Variants in MAF observed in about 807,000 individuals in gnomAD.
MAF encodes the protein MAF bZIP transcription factor, also known as transcription factor Maf.
MAF carries 10 observed loss-of-function variants against 22.0 expected under a neutral mutation model. The observed-to-expected ratio is 0.45, with a 90% CI of 0.28 to 0.77. MAF has a LOEUF of 0.77. MAF is among the 30% of genes least tolerant of loss of function. The pLI, the probability that MAF is intolerant of heterozygous loss-of-function variation, is 0.12. For synonymous variants in MAF, 337 were observed against 255.8 expected (o/e 1.32, Z -3.03); for missense variants, 544 against 548.4 (o/e 0.99, Z 0.08).
chr16:79,541,808 A>G, the MAF span, among the ~76,000 whole-genome samples: 1 of 151,526 alleles, frequency 6.6e-6, no homozygotes, highest in Non-Finnish European at 1.5e-5. Context: ...GGCAGGCACC[A>G]CCACGCCCAG....
chr16:79,291,399 T>G, the MAF span, among the ~76,000 whole-genome samples: 6 of 152,168 alleles, frequency 3.9e-5, no homozygotes, highest in African/African-American at 1.4e-4. Context: ...ACAGCCACTT[T>G]TCCTCTGCCC....
At chr16:79,232,666 C>T in the MAF span, among the ~76,000 whole-genome samples, 1 of 151,870 alleles carries the variant, frequency 6.6e-6, no homozygotes, top group South Asian at 2.1e-4. Context: ...TAAAAATAGT[C>T]AATTCGCATC....
the MAF span, among the ~76,000 whole-genome samples, chr16:79,229,976 T>C: frequency 2.0e-5 from 3 of 151,580 alleles, no homozygotes; most frequent in Non-Finnish European, 2.9e-5. Flanking sequence ...GGGACTCTTA[T>C]CAATTTGCAG....
the MAF span, among the ~76,000 whole-genome samples, chr16:79,369,472 C>G: frequency 6.6e-6 from 1 of 152,340 alleles, no homozygotes; most frequent in South Asian, 2.1e-4. Flanking sequence ...TCTTTGAGGA[C>G]AGGAGGATCC....
At chr16:79,574,045 G>A in the MAF span, among the ~76,000 whole-genome samples, 2 of 152,254 alleles carry the variant, frequency 1.3e-5, no homozygotes, top group Admixed American at 6.5e-5. Flanking sequence ...CACCGATACA[G>A]GGCTGTGTTG....
chr16:79,436,701 C>T, the MAF span, among the ~76,000 whole-genome samples: 1 of 152,218 alleles, frequency 6.6e-6, no homozygotes, highest in South Asian at 2.1e-4. Flanking sequence ...GCTAACCTTT[C>T]CCTTCCCACA....
chr16:79,460,082 TCAGAA>T, the MAF span, among the ~76,000 whole-genome samples: 4 of 152,208 alleles, frequency 2.6e-5, no homozygotes, highest in Non-Finnish European at 5.9e-5. Flanking sequence ...TATTATTGCC[TCAGAA>T]CAGATCTTTG....
the MAF span, among the ~76,000 whole-genome samples, chr16:79,539,905 A>C: frequency 6.6e-6 from 1 of 152,188 alleles, no homozygotes; most frequent in Non-Finnish European, 1.5e-5. Context: ...TCTCTGATGA[A>C]ATTATGAGTG....
chr16:79,457,226 T>G, the MAF span, among the ~76,000 whole-genome samples: 2 of 152,136 alleles, frequency 1.3e-5, no homozygotes, highest in African/African-American at 4.8e-5. Context: ...AGGTGTCACT[T>G]GCAATTTTCA....
the MAF span, among the ~76,000 whole-genome samples, chr16:79,404,074 C>A: frequency 6.6e-6 from 1 of 152,032 alleles, no homozygotes; most frequent in East Asian, 1.9e-4. Flanking sequence ...CACTTTCCAC[C>A]TTGATCTGTT....
the MAF span, among the ~76,000 whole-genome samples, chr16:79,432,351 C>T: frequency 6.6e-6 from 1 of 152,128 alleles, no homozygotes; most frequent in South Asian, 2.1e-4. Context: ...TTCCTTATAG[C>T]AATGTGAGAA....
At chr16:79,389,315 G>A in the MAF span, among the ~76,000 whole-genome samples, 1 of 152,166 alleles carries the variant, frequency 6.6e-6, no homozygotes, top group Admixed American at 6.5e-5. Context: ...AGGCTGGAGT[G>A]CAGTGGCACA....
chr16:79,447,793 C>A, the MAF span, among the ~76,000 whole-genome samples: 1 of 147,022 alleles, frequency 6.8e-6, no homozygotes, highest in East Asian at 2.1e-4. Context: ...CTGTGGGAGG[C>A]TGAGGCAGGA....
chr16:79,256,135 C>A, the MAF span, among the ~76,000 whole-genome samples: 3 of 151,146 alleles, frequency 2.0e-5, no homozygotes, highest in South Asian at 6.3e-4. Context: ...GCACATGCCA[C>A]GACGCCCAGC....
chr16:79,442,490 G>A, the MAF span, among the ~76,000 whole-genome samples: 1 of 152,052 alleles, frequency 6.6e-6, no homozygotes, highest in Non-Finnish European at 1.5e-5. Context: ...TCCCACGTTG[G>A]CACCCCAAAA....
the MAF span, among the ~76,000 whole-genome samples, chr16:79,370,388 G>A: frequency 6.6e-6 from 1 of 152,110 alleles, no homozygotes; most frequent in Non-Finnish European, 1.5e-5. Context: ...GTGCTGGGTG[G>A]TCCTTTGCCT....
the MAF span, chr16:79,205,508 G>C: frequency 6.6e-6 from 1 of 152,172 alleles, no homozygotes; most frequent in African/African-American, 2.4e-5. Flanking sequence ...AGTTGGCATG[G>C]GATCTAAATG....
At chr16:79,255,937 G>C in the MAF span, among the ~76,000 whole-genome samples, 1 of 150,706 alleles carries the variant, frequency 6.6e-6, no homozygotes, top group Admixed American at 6.6e-5. Flanking sequence ...GTTAGCTAGA[G>C]AGATGTCTTT....
the MAF span, among the ~76,000 whole-genome samples, chr16:79,394,281 G>A: frequency 6.6e-6 from 1 of 152,250 alleles, no homozygotes; most frequent in East Asian, 1.9e-4. Flanking sequence ...AGCTTGATTG[G>A]ATCTCTATTC....
Sources: gnomAD v4.1 joint callset for allele counts (sites outside exome capture counted in the v4.1 genomes callset) on GRCh38, gnomAD v4.1.1 for gene constraint, MANE v1.5 for transcripts, NCBI Gene and HGNC (gene_info 2026-07-23, HGNC 2026-07-21) for gene names.